Variants in ASAP1 observed in about 807,000 individuals in gnomAD.
ASAP1 encodes the protein ArfGAP with SH3 domain, ankyrin repeat and PH domain 1.
In ASAP1, 43 loss-of-function variants were observed where a neutral mutation model predicts 145.2. The observed-to-expected ratio is 0.30, with a 90% CI of 0.23 to 0.38. The LOEUF (loss-of-function observed/expected upper bound fraction) is 0.38. ASAP1 is among the 10% of genes least tolerant of loss of function. The pLI is 1.00. For synonymous variants in ASAP1, 546 were observed against 515.5 expected, an observed-to-expected ratio of 1.06 and a Z score of -0.80; for missense variants, 1,018 against 1,355.3, an observed-to-expected ratio of 0.75 and a Z score of 3.91.
At chr8:130,265,128 G>C (rs1046668141) in intron 3 of ASAP1, among the ~76,000 whole-genome samples, 2 of 152,138 alleles carry the variant, frequency 1.3e-5, no homozygotes, top group Non-Finnish European at 2.9e-5. Flanking sequence ...GAACTGTGAT[G>C]GGGGAGCTTG....
rs1176727355 is a variant in ASAP1 at position 130,254,678 on chromosome 8, T to A, written c.187-17684A>T. ...TAAATTATGACCCTTATGTAAACAG[T>A]GCTAAATCAAGGACTTTTTAGCTAA... is the stretch of plus-strand genomic sequence containing the variant. On this transcript the variant is annotated intron_variant, in intron 3 of 29. Transcript: ENST00000518721. Among the ~76,000 whole-genome samples the A allele has an allele frequency of 3.3e-5, 5 of 152,176 alleles. No homozygotes were observed. The East Asian group carries it at 9.6e-4, about 29-fold the overall frequency.
At chr8:130,159,328 A>G (rs2136009606) in intron 12 of ASAP1, among the ~76,000 whole-genome samples, 1 of 152,156 alleles carries the variant, frequency 6.6e-6, no homozygotes, top group Non-Finnish European at 1.5e-5. Context: ...TGCAGTGAAT[A>G]AAAGGGTAGA....
intron 13 of ASAP1, among the ~76,000 whole-genome samples, chr8:130,143,079 C>T (rs1486097369): frequency 6.6e-6 from 1 of 152,194 alleles, no homozygotes; most frequent in Non-Finnish European, 1.5e-5. Flanking sequence ...GTGAATTATT[C>T]AGTGCAGAAA....
chr8:130,225,288 A>T (rs143961839), intron 4 of ASAP1, among the ~76,000 whole-genome samples: 1 of 152,278 alleles, frequency 6.6e-6, no homozygotes, highest in East Asian at 1.9e-4. Flanking sequence ...CATATATATC[A>T]ATCTGTATGC....
intron 3 of ASAP1, among the ~76,000 whole-genome samples, chr8:130,357,515 T>C (rs998865988): frequency 7.9e-5 from 12 of 152,238 alleles, no homozygotes; most frequent in African/African-American, 2.4e-5. Flanking sequence ...CTGAGTTCTC[T>C]CTGGGTCCTC....
At chr8:130,242,864 T>C (rs992276041) in intron 3 of ASAP1, among the ~76,000 whole-genome samples, 2 of 152,118 alleles carry the variant, frequency 1.3e-5, no homozygotes, top group East Asian at 3.9e-4. Flanking sequence ...CACGCAAATG[T>C]GTGCTGTTGA....
intron 3 of ASAP1, among the ~76,000 whole-genome samples, chr8:130,317,341 G>C (rs1823726591): frequency 6.6e-6 from 1 of 152,156 alleles, no homozygotes; most frequent in African/African-American, 2.4e-5. Context: ...AATTGGGCAA[G>C]AGAGAATGAC....
At chr8:130,152,040 G>C (rs948651195) in intron 13 of ASAP1, among the ~76,000 whole-genome samples, 3 of 152,184 alleles carry the variant, frequency 2.0e-5, no homozygotes, top group Non-Finnish European at 2.9e-5. Context: ...CTCCCTGATA[G>C]ATATCTAAAG....
chr8:130,111,117 A>G (rs62524635), intron 24 of ASAP1, among the ~76,000 whole-genome samples: 24,501 of 149,038 alleles, frequency 0.16, 2,596 homozygotes, highest in East Asian at 0.45. Context: ...TCAAGCCTGT[A>G]GTCCCAGCAC....
At chr8:130,206,333 G>C (rs188366625) in intron 5 of ASAP1, among the ~76,000 whole-genome samples, 1 of 152,024 alleles carries the variant, frequency 6.6e-6, no homozygotes, top group African/African-American at 2.4e-5. Flanking sequence ...GCACATCCAT[G>C]CTCTCCATAC....
intron 3 of ASAP1, among the ~76,000 whole-genome samples, chr8:130,357,554 G>A (rs1247749220): frequency 1.3e-5 from 2 of 152,232 alleles, no homozygotes; most frequent in Admixed American, 1.3e-4. Flanking sequence ...CCTCGTCTCC[G>A]CAGCTACGCC....
chr8:130,373,649 G>A (rs191517006), intron 2 of ASAP1, among the ~76,000 whole-genome samples: 3 of 151,892 alleles, frequency 2.0e-5, no homozygotes, highest in Non-Finnish European at 4.4e-5. Context: ...GGGAGTTTGA[G>A]ACCAGCCTGG....
At chr8:130,183,212 C>A (rs2136190306) in intron 7 of ASAP1, among the ~76,000 whole-genome samples, 1 of 151,964 alleles carries the variant, frequency 6.6e-6, no homozygotes, top group Non-Finnish European at 1.5e-5. Flanking sequence ...ATGCAACAAA[C>A]AACAACCACA....
At chr8:130,339,439 T>C (rs1825239725) in intron 3 of ASAP1, among the ~76,000 whole-genome samples, 1 of 152,090 alleles carries the variant, frequency 6.6e-6, no homozygotes, top group Non-Finnish European at 1.5e-5. Flanking sequence ...AGTACATCGA[T>C]GCGGTCAGGG....
At chr8:130,169,802 G>A (rs1298084529) in intron 9 of ASAP1, among the ~76,000 whole-genome samples, 1 of 152,224 alleles carries the variant, frequency 6.6e-6, no homozygotes, top group African/African-American at 2.4e-5. Flanking sequence ...TACAGAGTAT[G>A]TATAAAACTT....
intron 3 of ASAP1, among the ~76,000 whole-genome samples, chr8:130,307,246 T>C (rs1245607213): frequency 6.7e-6 from 1 of 149,782 alleles, no homozygotes; most frequent in African/African-American, 2.4e-5. Context: ...GAACAATTAC[T>C]ATAAAACAGT....
At chr8:130,254,925 A>G (rs527254711) in intron 3 of ASAP1, among the ~76,000 whole-genome samples, 5 of 152,186 alleles carry the variant, frequency 3.3e-5, no homozygotes, top group Non-Finnish European at 7.4e-5. Flanking sequence ...AATACCTTAT[A>G]TCTTGCCATT....
rs55937708 is a variant in ASAP1 at position 130,167,627 on chromosome 8, GA to G, written c.823-6del. 0.084 allele frequency: 133,520 copies of G among 1,585,554 alleles called. 6,254 individuals are homozygous for G. Among genetic ancestry groups the G allele is most frequent in the African/African-American group, 0.19 (13,671 of 73,780 alleles). The stretch of plus-strand genomic sequence containing the variant: ...TTCATCCTGGGTCTGTTTTATCTAT[GA>G]AAAAAAAATTACTTCTATTACTTAC... On this transcript the variant is annotated splice_polypyrimidine_tract_variant and splice_region_variant and intron_variant, in intron 10 of 29. Coordinates refer to ENST00000518721, the MANE Select transcript of ASAP1 (RefSeq NM_018482.4).
chr8:130,316,842 T>C (rs543418354), intron 3 of ASAP1, among the ~76,000 whole-genome samples: 2 of 152,258 alleles, frequency 1.3e-5, no homozygotes, highest in Non-Finnish European at 2.9e-5. Flanking sequence ...TTTCCCCCTG[T>C]AATATGCAGC....
Sources: gnomAD v4.1 joint callset for allele counts (sites outside exome capture counted in the v4.1 genomes callset) on GRCh38, gnomAD v4.1.1 for gene constraint, MANE v1.5 for transcripts, NCBI Gene and HGNC (gene_info 2026-07-23, HGNC 2026-07-21) for gene names.